Variants in RSPO3 observed in about 807,000 individuals in gnomAD.
The protein encoded by RSPO3 is R-spondin 3, also known as R-spondin-3.
RSPO3 carries 17 observed loss-of-function variants against 36.5 expected under a neutral mutation model. That is an observed-to-expected ratio of 0.47 (90% CI 0.32 to 0.70). RSPO3 has a LOEUF of 0.70. Ranked by LOEUF, RSPO3 falls within the 30% of genes least tolerant of loss-of-function variation. The pLI is 0.04. For synonymous variants in RSPO3, 108 were observed against 107.0 expected, an observed-to-expected ratio of 1.01 and a Z score of -0.06; for missense variants, 294 against 322.5, an observed-to-expected ratio of 0.91 and a Z score of 0.68.
chr6:127,130,854 T>C (rs1774037641), intron 1 of RSPO3, among the ~76,000 whole-genome samples: 1 of 151,830 alleles, frequency 6.6e-6, no homozygotes, highest in South Asian at 2.1e-4. Flanking sequence ...TTATATGGAG[T>C]CCAAAAGGAC....
At chr6:127,182,466 G>A (rs531796515) in intron 4 of RSPO3, among the ~76,000 whole-genome samples, 33 of 151,150 alleles carry the variant, frequency 2.2e-4, no homozygotes, top group African/African-American at 5.3e-4. Flanking sequence ...ACTTTATTTC[G>A]TTCTTAAATA....
At chr6:127,132,558 C>A (rs896155976) in intron 1 of RSPO3, among the ~76,000 whole-genome samples, 1 of 152,016 alleles carries the variant, frequency 6.6e-6, no homozygotes, top group Non-Finnish European at 1.5e-5. Flanking sequence ...AAATGCAATT[C>A]TTGGCTAGTT....
intron 1 of RSPO3, 83 bp from the exon 2 acceptor site, chr6:127,148,565 A>G: frequency 3.8e-6 from 4 of 1,063,882 alleles, no homozygotes; most frequent in Non-Finnish European, 5.2e-6. Flanking sequence ...CTAATGAAAG[A>G]GAACATATAT....
chr6:127,173,211 C>T (rs1295957600), intron 4 of RSPO3, among the ~76,000 whole-genome samples: 1 of 151,832 alleles, frequency 6.6e-6, no homozygotes, highest in Non-Finnish European at 1.5e-5. Flanking sequence ...AAATAACAAA[C>T]TTAACTATAA....
intron 1 of RSPO3, among the ~76,000 whole-genome samples, chr6:127,131,808 T>C (rs781417684): frequency 5.3e-5 from 8 of 152,112 alleles, no homozygotes; most frequent in African/African-American, 1.7e-4. Context: ...TTGAGAACCA[T>C]TGCACTGAAT....
intron 4 of RSPO3, 47 bp from the exon 5 acceptor site, chr6:127,195,776 A>G (rs944431348): frequency 6.3e-6 from 8 of 1,279,046 alleles, no homozygotes; most frequent in Admixed American, 5.8e-5. Flanking sequence ...ATTAAAAAAT[A>G]GAACATAATT....
At chr6:127,166,803 A>AT (rs1206837402) in intron 4 of RSPO3, among the ~76,000 whole-genome samples, 2 of 152,128 alleles carry the variant, frequency 1.3e-5, no homozygotes, top group East Asian at 3.9e-4. Context: ...CTCTAACTGC[A>AT]TGTTATTAGT....
At chr6:127,132,415 AG>A (rs1388793446) in intron 1 of RSPO3, among the ~76,000 whole-genome samples, 1 of 152,120 alleles carries the variant, frequency 6.6e-6, no homozygotes, top group African/African-American at 2.4e-5. Flanking sequence ...TATACAGATT[AG>A]TTTTTTTAAT....
At chr6:127,149,911 T>C (rs1774455994) in intron 2 of RSPO3, among the ~76,000 whole-genome samples, 2 of 152,106 alleles carry the variant, frequency 1.3e-5, no homozygotes, top group Non-Finnish European at 2.9e-5. Flanking sequence ...ACTATTGTTA[T>C]TGTTTACTGT....
chr6:127,124,131 C>A (rs974357894), intron 1 of RSPO3, among the ~76,000 whole-genome samples: 1 of 151,998 alleles, frequency 6.6e-6, no homozygotes, highest in Non-Finnish European at 1.5e-5. Flanking sequence ...GACCAAAATA[C>A]ACCTCTGCAA....
At chr6:127,172,947 G>A (rs573000941) in intron 4 of RSPO3, among the ~76,000 whole-genome samples, 17 of 151,796 alleles carry the variant, frequency 1.1e-4, no homozygotes, top group Non-Finnish European at 2.4e-4. Flanking sequence ...TAATAAGCAA[G>A]TTAGTCAGTA....
At chr6:127,140,872 C>A (rs940533093) in intron 1 of RSPO3, among the ~76,000 whole-genome samples, 1 of 152,134 alleles carries the variant, frequency 6.6e-6, no homozygotes, top group Non-Finnish European at 1.5e-5. Context: ...GGTGCTCTAC[C>A]TGAAATACTC....
chr6:127,185,258 T>C (rs1775269888), intron 4 of RSPO3, among the ~76,000 whole-genome samples: 1 of 152,022 alleles, frequency 6.6e-6, no homozygotes, highest in South Asian at 2.1e-4. Flanking sequence ...GAACAGACAA[T>C]TGCTTCAACA....
chr6:127,119,741 G>T, intron 1 of RSPO3: 1 of 155,456 alleles, frequency 6.4e-6, no homozygotes, highest in Non-Finnish European at 1.4e-5. Flanking sequence ...GCCTCGCGCG[G>T]GGAGACCTCG....
At chr6:127,158,025 G>A (rs1351904945) in intron 4 of RSPO3, among the ~76,000 whole-genome samples, 1 of 150,554 alleles carries the variant, frequency 6.6e-6, no homozygotes, top group African/African-American at 2.4e-5. Context: ...TATATAATAT[G>A]TATAATATAT....
chr6:127,135,012 C>G (rs765286312), intron 1 of RSPO3, among the ~76,000 whole-genome samples: 7 of 152,132 alleles, frequency 4.6e-5, no homozygotes, highest in Non-Finnish European at 1.0e-4. Context: ...CTACTAATAC[C>G]TCATTAGACA....
chr6:127,136,301 A>G (rs1249595850), intron 1 of RSPO3, among the ~76,000 whole-genome samples: 1 of 152,214 alleles, frequency 6.6e-6, no homozygotes, highest in East Asian at 1.9e-4. Flanking sequence ...ACTCCAAGAT[A>G]TGCCAAACTT....
chr6:127,145,023 C>T (rs1363184493), intron 1 of RSPO3, among the ~76,000 whole-genome samples: 2 of 152,162 alleles, frequency 1.3e-5, no homozygotes, highest in Non-Finnish European at 2.9e-5. Context: ...TTAAGCATCA[C>T]TCTCTGGATA....
chr6:127,164,290 T>C (rs1363948333), intron 4 of RSPO3, among the ~76,000 whole-genome samples: 1 of 152,018 alleles, frequency 6.6e-6, no homozygotes, highest in Non-Finnish European at 1.5e-5. Flanking sequence ...ACAAGGGTAC[T>C]GACAAAAACA....
Sources: gnomAD v4.1 joint callset for allele counts (sites outside exome capture counted in the v4.1 genomes callset) on GRCh38, gnomAD v4.1.1 for gene constraint, MANE v1.5 for transcripts, NCBI Gene and HGNC (gene_info 2026-07-23, HGNC 2026-07-21) for gene names.